The following MAD1L1 variants were observed in gnomAD, a reference collection of about 807,000 sequenced individuals.
MAD1L1 encodes mitotic spindle assembly checkpoint protein MAD1.
MAD1L1 carries 95 observed loss-of-function variants against 96.9 expected under a neutral mutation model. That is an observed-to-expected ratio of 0.98 (90% CI 0.83 to 1.16). MAD1L1 has a LOEUF of 1.16. MAD1L1 is among the 50% of genes most tolerant of loss of function. The probability of loss-of-function intolerance (pLI) is 0.00; values close to 1 mark genes in which losing one functional copy is unlikely to be tolerated. For missense variants in MAD1L1, 1,007 were observed against 954.4 expected (o/e 1.06, Z -0.73); for synonymous variants, 473 against 396.6 (o/e 1.19, Z -2.29).
At chr7:2,090,200 G>C (rs1452629632) in intron 11 of MAD1L1, among the ~76,000 whole-genome samples, 1 of 151,644 alleles carries the variant, frequency 6.6e-6, no homozygotes, top group Non-Finnish European at 1.5e-5. Context: ...GGGGTTCTAA[G>C]GTGGAGGTGA....
intron 10 of MAD1L1, among the ~76,000 whole-genome samples, chr7:2,192,101 C>T (rs151119049): frequency 4.6e-5 from 7 of 151,174 alleles, no homozygotes; most frequent in East Asian, 1.9e-4. Flanking sequence ...GGAGGTAGCA[C>T]GTTAAATATA....
chr7:1,834,617 C>T (rs914808525), intron 18 of MAD1L1, among the ~76,000 whole-genome samples: 3 of 152,174 alleles, frequency 2.0e-5, no homozygotes, highest in Admixed American at 6.5e-5. Context: ...ATCAAGACAC[C>T]GATGTGTAGT....
At chr7:1,961,077 C>T (rs1779932268) in intron 15 of MAD1L1, among the ~76,000 whole-genome samples, 1 of 152,280 alleles carries the variant, frequency 6.6e-6, no homozygotes, top group East Asian at 1.9e-4. Flanking sequence ...GTGACAAGCT[C>T]CGAGCACTGT....
chr7:2,079,938 C>T (rs1272767090), intron 11 of MAD1L1: 6 of 364,074 alleles, frequency 1.6e-5, no homozygotes, highest in Non-Finnish European at 3.3e-5. Flanking sequence ...TGGAGTGACG[C>T]AGAGAGGCAC....
intron 18 of MAD1L1, among the ~76,000 whole-genome samples, chr7:1,839,684 C>G (rs1452472656): frequency 2.6e-5 from 4 of 152,170 alleles, no homozygotes; most frequent in Non-Finnish European, 4.4e-5. Context: ...AAACCATTGG[C>G]CAGAAGATAC....
At chr7:1,905,911 G>A (rs191027628) in intron 17 of MAD1L1, among the ~76,000 whole-genome samples, 67 of 152,208 alleles carry the variant, frequency 4.4e-4, no homozygotes, top group Admixed American at 1.0e-3. Context: ...TTAGCCGGAC[G>A]TGGTGGCGCA....
intron 14 of MAD1L1, among the ~76,000 whole-genome samples, chr7:1,988,380 A>AG (rs560717627): frequency 8.3e-4 from 126 of 152,282 alleles, no homozygotes; most frequent in Middle Eastern, 6.8e-3. Flanking sequence ...CAGGGACCTG[A>AG]GGCCCAGGCA....
At chr7:1,884,476 T>C (rs1785887246) in intron 18 of MAD1L1, among the ~76,000 whole-genome samples, 1 of 152,214 alleles carries the variant, frequency 6.6e-6, no homozygotes, top group African/African-American at 2.4e-5. Flanking sequence ...GTCAGGGGCC[T>C]AGCCGGGATT....
At chr7:2,183,522 A>G (rs552175317) in intron 10 of MAD1L1, among the ~76,000 whole-genome samples, 1 of 152,192 alleles carries the variant, frequency 6.6e-6, no homozygotes, top group Non-Finnish European at 1.5e-5. Flanking sequence ...ACAATGATAG[A>G]CTGGATTAAG....
intron 12 of MAD1L1, among the ~76,000 whole-genome samples, chr7:2,046,274 G>A (rs1468032520): frequency 6.6e-6 from 1 of 152,158 alleles, no homozygotes; most frequent in Non-Finnish European, 1.5e-5. Context: ...GGCAGCGCAG[G>A]CAAATAAGAT....
chr7:2,076,797 G>C (rs1417862726), intron 11 of MAD1L1, among the ~76,000 whole-genome samples: 3 of 151,758 alleles, frequency 2.0e-5, no homozygotes, highest in Admixed American at 2.0e-4. Flanking sequence ...TCACGGCACA[G>C]TGAGCCTGAG....
intron 10 of MAD1L1, among the ~76,000 whole-genome samples, chr7:2,167,256 A>T (rs1790474799): frequency 6.6e-6 from 1 of 152,216 alleles, no homozygotes; most frequent in East Asian, 1.9e-4. Context: ...ACCTTTAGTC[A>T]TGATTAGCAG....
rs73039290 is a variant in MAD1L1, at chr7:2,186,480, A to C, written c.986+26732T>G. Among the ~76,000 whole-genome samples the C allele has an allele frequency of 3.0e-4, 45 of 152,380 alleles. 1 individual carries two copies. The highest frequency in any genetic ancestry group is 4.0e-4 in the Non-Finnish European group (27 of 68,038). ...TACGTAAGACGTCCATGCACATAAAAATTATGTAAGGACTTATAGCAAACT... is the reference window on the plus strand; with the variant it reads ...TACGTAAGACGTCCATGCACATAAACATTATGTAAGGACTTATAGCAAACT... On this transcript the variant is annotated intron_variant, in intron 10 of 18. Coordinates refer to ENST00000265854, the MANE Select transcript of MAD1L1 (RefSeq NM_001013836.2).
At chr7:1,977,510 C>G (rs1432675960) in intron 15 of MAD1L1, among the ~76,000 whole-genome samples, 1 of 152,268 alleles carries the variant, frequency 6.6e-6, no homozygotes, top group Non-Finnish European at 1.5e-5. Context: ...CTCCACACCT[C>G]CCCGCAAGCA....
chr7:2,031,400 T>C (rs7779606), intron 12 of MAD1L1, among the ~76,000 whole-genome samples: 11,553 of 152,282 alleles, frequency 0.076, 1,415 homozygotes, highest in African/African-American at 0.26. Flanking sequence ...GCCTGGTTTT[T>C]ACAATTTCAA....
rs189314673 is a variant in MAD1L1, at chr7:1,970,976, G to A, written c.1505+9477C>T. Among the ~76,000 whole-genome samples, 106 of 152,310 alleles carry A rather than the reference G, an allele frequency of 7.0e-4. No homozygotes were observed. In the South Asian group the frequency reaches 7.3e-3, roughly 10 times the overall value. ...ATCCCTTCCATTGTGTGCGAGTTGC[G>A]CTAATACAGTAGATATCCTTAAACT... On this transcript the variant is annotated intron_variant, in intron 15 of 18. Coordinates refer to ENST00000265854, the MANE Select transcript of MAD1L1 (RefSeq NM_001013836.2).
chr7:2,214,108 TAG>T (rs1210853419), intron 9 of MAD1L1, among the ~76,000 whole-genome samples: 1 of 152,210 alleles, frequency 6.6e-6, no homozygotes, highest in Non-Finnish European at 1.5e-5. Flanking sequence ...GCACTTTGCA[TAG>T]ACTCATGTGA....
intron 15 of MAD1L1, among the ~76,000 whole-genome samples, chr7:1,966,584 A>AAAAAAAAACC (rs1780177452): frequency 7.2e-6 from 1 of 139,010 alleles, no homozygotes; most frequent in African/African-American, 2.6e-5. Context: ...AAACAAAAAA[A>AAAAAAAAACC]ATCCCTAGAG....
chr7:2,061,290 T>C (rs1784649212), intron 12 of MAD1L1, among the ~76,000 whole-genome samples: 1 of 152,168 alleles, frequency 6.6e-6, no homozygotes, highest in Admixed American at 6.5e-5. Context: ...TGAGCCAAGA[T>C]TGAGCCATTG....
Sources: allele counts gnomAD v4.1 joint callset (sites outside exome capture counted in the v4.1 genomes callset), GRCh38; gene constraint gnomAD v4.1.1; transcripts MANE v1.5; gene names NCBI Gene and HGNC (gene_info 2026-07-23, HGNC 2026-07-21).